PAICS: variants seen among roughly 807,000 people sequenced by gnomAD.
PAICS encodes bifunctional phosphoribosylaminoimidazole carboxylase/phosphoribosylaminoimidazole succinocarboxamide synthetase.
A neutral mutation model predicts 53.7 loss-of-function variants in PAICS; 33 were observed. That is an observed-to-expected ratio of 0.61 (90% confidence interval 0.47 to 0.82). The LOEUF (loss-of-function observed/expected upper bound fraction) is 0.82, where lower values mean the gene tolerates loss of function less well. Among genes scored for constraint, PAICS ranks in the 40% least tolerant of loss-of-function variants. PAICS has a pLI of 0.00. For missense variants in PAICS, 394 were observed against 494.1 expected, an observed-to-expected ratio of 0.80 and a Z score of 1.92; for synonymous variants, 141 against 167.2, an observed-to-expected ratio of 0.84 and a Z score of 1.21.
intron 8 of PAICS, among the ~76,000 whole-genome samples, chr4:56,458,568 T>G (rs1719343200): frequency 1.3e-5 from 2 of 152,184 alleles, no homozygotes; most frequent in South Asian, 4.1e-4. Flanking sequence ...TACCACATAT[T>G]AAGGGGTGGA....
chr4:56,435,314 G>A (rs765642098), upstream of PAICS: 1 of 1,611,206 alleles, frequency 6.2e-7, no homozygotes, highest in Non-Finnish European at 8.5e-7. Flanking sequence ...GAGAGATGGA[G>A]ACGCACGCCC....
At chr4:56,439,046 G>A (rs1469183774) in intron 1 of PAICS, among the ~76,000 whole-genome samples, 2 of 151,996 alleles carry the variant, frequency 1.3e-5, no homozygotes, top group Non-Finnish European at 2.9e-5. Context: ...TACTTGCAGG[G>A]TATGTCACGT....
At chr4:56,431,336 A>C (rs1436600155), upstream of PAICS, 16 of 409,422 alleles carry the variant, frequency 3.9e-5, no homozygotes, top group Admixed American at 1.0e-3. Context: ...TTAACTGGGA[A>C]CTAGATCCAT....
At chr4:56,426,996 A>G in the PAICS span, among the ~76,000 whole-genome samples, 1 of 152,128 alleles carries the variant, frequency 6.6e-6, no homozygotes, top group Non-Finnish European at 1.5e-5. Context: ...GAATCATACA[A>G]TATTCGTCCA....
At chr4:56,438,402 T>TA (rs1553941216) in intron 1 of PAICS, among the ~76,000 whole-genome samples, 2 of 132,164 alleles carry the variant, frequency 1.5e-5, no homozygotes, top group African/African-American at 5.5e-5. Context: ...TATATATATA[T>TA]AAAAGGTTTT....
chr4:56,424,092 T>C, the PAICS span, among the ~76,000 whole-genome samples: 1 of 152,238 alleles, frequency 6.6e-6, no homozygotes, highest in Non-Finnish European at 1.5e-5. Context: ...GATGAATTTT[T>C]GAAATTGGAG....
At position 56,461,088 on chromosome 4, in the gene PAICS, A is replaced by C. The variant is rs1343338685; in HGVS notation, c.*1550A>C. On this transcript the variant is annotated 3_prime_UTR_variant, in exon 9 of 9. Coordinates refer to ENST00000512576, the MANE Select transcript of PAICS (RefSeq NM_001079524.2). The stretch of plus-strand genomic sequence containing the variant: ...TCTGAAGGCCCACGTTTTTATCATT[A>C]AGACCTATTTGTTAGCTAGTAGAGC... 6.6e-6 allele frequency: 1 copy of C among 150,902 alleles called. No homozygotes were observed. The highest frequency in any genetic ancestry group is 1.5e-5 in the Non-Finnish European group (1 of 68,032). The allele number at this position is 150,902 out of a possible 1,614,324, so 9.3% of individuals were successfully genotyped here.
chr4:56,457,669 T>G (rs549798182), intron 8 of PAICS, among the ~76,000 whole-genome samples: 40 of 150,848 alleles, frequency 2.7e-4, no homozygotes, highest in East Asian at 2.5e-3. Flanking sequence ...TAAGTTTTTT[T>G]TTTTTTTTTT....
intron 2 of PAICS, among the ~76,000 whole-genome samples, chr4:56,443,483 C>T (rs1718441186): frequency 1.3e-5 from 2 of 152,312 alleles, no homozygotes; most frequent in South Asian, 2.1e-4. Flanking sequence ...CCACCACACC[C>T]GGCCTGTTCC....
intron 8 of PAICS, among the ~76,000 whole-genome samples, chr4:56,456,808 C>G (rs1201650508): frequency 6.7e-6 from 1 of 148,460 alleles, no homozygotes; most frequent in African/African-American, 2.5e-5. Flanking sequence ...TTTTAAATTT[C>G]CAAAAGCTCT....
At chr4:56,457,447 T>C (rs1390931741) in intron 8 of PAICS, among the ~76,000 whole-genome samples, 1 of 151,994 alleles carries the variant, frequency 6.6e-6, no homozygotes, top group Non-Finnish European at 1.5e-5. Context: ...ATTGCTACAG[T>C]GCTTTAAAGA....
the PAICS span, chr4:56,420,852 G>T: frequency 6.6e-6 from 1 of 152,174 alleles, no homozygotes; most frequent in Admixed American, 6.5e-5. Context: ...TACACACTAA[G>T]ACATGATAGC....
intron 7 of PAICS, among the ~76,000 whole-genome samples, chr4:56,452,691 G>A (rs73157767): frequency 1.1e-3 from 173 of 152,268 alleles, no homozygotes; most frequent in African/African-American, 3.4e-3. Context: ...TACAGGAGGC[G>A]GGAGGTTAAA....
intron 2 of PAICS, among the ~76,000 whole-genome samples, chr4:56,444,288 T>C (rs1718484944): frequency 6.6e-6 from 1 of 152,228 alleles, no homozygotes; most frequent in Non-Finnish European, 1.5e-5. Flanking sequence ...AACTGTGTTA[T>C]AACTGTGTTA....
intron 8 of PAICS, among the ~76,000 whole-genome samples, chr4:56,458,343 A>G (rs942478159): frequency 6.6e-6 from 1 of 151,438 alleles, no homozygotes; most frequent in Non-Finnish European, 1.5e-5. Flanking sequence ...CCTGGGCAGG[A>G]GGCACAGGTT....
At chr4:56,438,371 TTA>T (rs61681463) in intron 1 of PAICS, among the ~76,000 whole-genome samples, 1,683 of 113,634 alleles carry the variant, frequency 0.015, 22 homozygotes, top group African/African-American at 0.024. Flanking sequence ...TGCAATGTGT[TTA>T]TATATATATA....
chr4:56,436,092 C>T, upstream of PAICS: 4 of 1,478,252 alleles, frequency 2.7e-6, no homozygotes, highest in Non-Finnish European at 3.6e-6. Flanking sequence ...TGCGCCTGCG[C>T]GGCGGGAAGC....
intron 1 of PAICS, 106 bp from the exon 2 acceptor site, chr4:56,441,557 T>C (rs1718340880): frequency 4.3e-6 from 2 of 463,502 alleles, no homozygotes; most frequent in South Asian, 1.4e-4. Context: ...TTTTTATTAA[T>C]ATTACTTAAT....
intron 2 of PAICS, among the ~76,000 whole-genome samples, chr4:56,445,121 ATTC>A (rs1432407142): frequency 6.6e-6 from 1 of 152,102 alleles, no homozygotes; most frequent in Non-Finnish European, 1.5e-5. Flanking sequence ...ACATACCACA[ATTC>A]TTTCTTTTTT....
Sources: allele counts gnomAD v4.1 joint callset (sites outside exome capture counted in the v4.1 genomes callset), GRCh38; gene constraint gnomAD v4.1.1; transcripts MANE v1.5; gene names NCBI Gene and HGNC (gene_info 2026-07-23, HGNC 2026-07-21).